ZNF865: variants seen among roughly 807,000 people sequenced by gnomAD.
ZNF865 encodes the protein zinc finger protein 865.
For synonymous variants in ZNF865, 763 were observed against 750.8 expected (o/e 1.02, Z -0.27); for missense variants, 1,311 against 1,593.4 (o/e 0.82, Z 3.02).
intron 1 of ZNF865, among the ~76,000 whole-genome samples, chr19:55,606,006 C>T (rs1980926482): frequency 1.3e-5 from 2 of 152,102 alleles, no homozygotes; most frequent in Admixed American, 1.3e-4. Flanking sequence ...GATACCTCCT[C>T]GTAGGATCCC....
chr19:55,616,653 A>G lies in ZNF865; in HGVS notation c.3035A>G (p.Gln1012Arg). ...TTCCGTAAGCACCTGGCTGCCCACC[A>G]GGGCGGCCGGCCCTTCCGCTGCTCC... The part of the protein sequence containing the change: ...GYFRKHLAAH[Q>R]GGRPFRCSSC... The change falls in exon 2 of 2, where the codon CAG (glutamine) becomes CGG (arginine). Residue 1012 changes from glutamine (Q) to arginine (R), a missense_variant. Physicochemically the swap from Gln to Arg is conservative, Grantham distance 43. Coordinates refer to ENST00000568956, the MANE Select transcript of ZNF865 (RefSeq NM_001195605.2). 6.5e-7 allele frequency: 1 copy of G among 1,529,004 alleles called. No individual in the cohort carries two copies. Among genetic ancestry groups the G allele is most frequent in the Non-Finnish European group, 8.7e-7 (1 of 1,143,592 alleles). The allele number at this position is 1,529,004 out of a possible 1,614,324, so 94.7% of individuals were successfully genotyped here.
chr19:55,612,059 C>T (rs1981157324), intron 1 of ZNF865, among the ~76,000 whole-genome samples: 1 of 152,174 alleles, frequency 6.6e-6, no homozygotes, highest in African/African-American at 2.4e-5. Context: ...GGATGGAACT[C>T]AAGCTCCCTG....
At chr19:55,606,366 C>T (rs894929244) in intron 1 of ZNF865, among the ~76,000 whole-genome samples, 5 of 152,072 alleles carry the variant, frequency 3.3e-5, no homozygotes, top group African/African-American at 1.2e-4. Context: ...ACCCCCCCAT[C>T]GCAGCGGCAC....
chr19:55,615,905 G>T lies in ZNF865; in HGVS notation c.2287G>T (p.Ala763Ser). Residue 763 changes from alanine (A) to serine (S), a missense_variant, in exon 2 of 2, where the codon GCA becomes TCA. Coordinates refer to ENST00000568956, the MANE Select transcript of ZNF865 (RefSeq NM_001195605.2). ...LAGEVGAAVA[A>S]LAGVSGGEDA... The stretch of plus-strand genomic sequence containing the variant: ...GGGGGAGGTGGGGGCGGCCGTGGCG[G>T]CACTGGCAGGGGTGTCTGGGGGTGA... 2.0e-6 allele frequency: 3 copies of T among 1,475,832 alleles called. No individual in the cohort carries two copies. Among genetic ancestry groups the T allele is most frequent in the Non-Finnish European group, 2.7e-6 (3 of 1,121,366 alleles). 91.4% of individuals were successfully genotyped at this position (1,475,832 alleles called of 1,614,324 possible).
chr19:55,607,169 C>T (rs571832879), intron 1 of ZNF865, among the ~76,000 whole-genome samples: 8 of 152,166 alleles, frequency 5.3e-5, no homozygotes, highest in African/African-American at 9.7e-5. Context: ...TTCATTCATA[C>T]GTTCATTCGT....
chr19:55,615,756 T>C lies in ZNF865; in HGVS notation c.2138T>C (p.Met713Thr). The C allele has an allele frequency of 6.5e-7, 1 of 1,531,968 alleles. No individual in the cohort carries two copies. Among genetic ancestry groups the C allele is most frequent in the Non-Finnish European group, 8.7e-7 (1 of 1,145,126 alleles). The allele number at this position is 1,531,968 out of a possible 1,614,324, so 94.9% of individuals were successfully genotyped here. The change falls in exon 2 of 2, where the codon ATG becomes ACG. Residue 713 changes from methionine to threonine, a missense_variant. Met to Thr is a moderately conservative substitution (Grantham distance 81, BLOSUM62 -1). Transcript: ENST00000568956. ...ACCTTCGGCTTCATCGAGAACCTCATGTGGCACAAGCTGGTCCACCAGGCC... is the reference window on the plus strand; with the variant it reads ...ACCTTCGGCTTCATCGAGAACCTCACGTGGCACAAGCTGGTCCACCAGGCC... ...GKTFGFIENL[M>T]WHKLVHQAAP...
Position 55,614,764 on chromosome 19 carries a change from G to A in ZNF865, c.1146G>A (p.Val382=). 6.3e-7 allele frequency: 1 copy of A among 1,578,162 alleles called. No homozygotes were observed. Among genetic ancestry groups the A allele is most frequent in the African/African-American group, 1.4e-5 (1 of 74,000 alleles). The change falls in exon 2 of 2, where the codon GTG becomes GTA. Residue 382 remains valine, a synonymous_variant. Transcript: ENST00000568956. This position sits in a 1 kb window ranked among gnomAD's most constrained non-coding sequence, Gnocchi z 8.0. ...GCGAGAAGCCCTTCTCCTGCTCCGT[G>A]TGCAGCAAAAGCTTCAACCGCAGGG... The part of the protein sequence containing the change: ...HTGEKPFSCS[V]CSKSFNRRES...
Position 55,615,783 on chromosome 19 carries a change from C to A in ZNF865, c.2165C>A (p.Ala722Asp). 1 of 1,521,644 alleles carries A rather than the reference C, an allele frequency of 6.6e-7. No individual in the cohort carries two copies. The highest frequency in any genetic ancestry group is 8.8e-7 in the Non-Finnish European group (1 of 1,140,244). The allele number at this position is 1,521,644 out of a possible 1,614,324, so 94.3% of individuals were successfully genotyped here. ...TGGCACAAGCTGGTCCACCAGGCCGCCCCCGAGCGCCTGCTCCCGCCCGCA... is the reference window on the plus strand; with the variant it reads ...TGGCACAAGCTGGTCCACCAGGCCGACCCCGAGCGCCTGCTCCCGCCCGCA... Reference protein sequence around the residue: ...LMWHKLVHQAAPERLLPPAPG... With the variant: ...LMWHKLVHQADPERLLPPAPG... Residue 722 changes from alanine (A) to aspartate (D), a missense_variant, in exon 2 of 2, where the codon GCC (alanine) becomes GAC (aspartate). Coordinates refer to ENST00000568956, the MANE Select transcript of ZNF865 (RefSeq NM_001195605.2).
chr19:55,616,914 G>A lies in ZNF865; in HGVS notation c.*116G>A. The A allele has an allele frequency of 4.2e-6, 5 of 1,188,440 alleles. No individual in the cohort carries two copies. The highest frequency in any genetic ancestry group is 2.9e-5 in the East Asian group (1 of 34,318). 73.6% of individuals were successfully genotyped at this position (1,188,440 alleles called of 1,614,324 possible). On this transcript the variant is annotated 3_prime_UTR_variant, in exon 2 of 2. Transcript: ENST00000568956. ...TGCCCCATCCTTCAGAACTTCACAC[G>A]GACTGGCGACCTTCAGGGCGCACGC...
Position 55,613,909 on chromosome 19 carries a change from CTCG to C in ZNF865, c.294_296del (p.Ser117del). 3 of 1,523,252 alleles carry C rather than the reference CTCG, an allele frequency of 2.0e-6. No individual in the cohort carries two copies. The highest frequency in any genetic ancestry group is 1.8e-6 in the Non-Finnish European group (2 of 1,136,468). The allele number at this position is 1,523,252 out of a possible 1,614,324, so 94.4% of individuals were successfully genotyped here. On this transcript the variant is annotated inframe_deletion, in exon 2 of 2. Transcript: ENST00000568956. ...CGGAGGTGCCCTCCTCGTCCTCGTC[CTCG>C]TCCTCCTCCTCCTCCTCTTCGTCCT...
intron 1 of ZNF865, among the ~76,000 whole-genome samples, chr19:55,606,693 C>G (rs535936209): frequency 1.4e-4 from 22 of 152,382 alleles, no homozygotes; most frequent in African/African-American, 5.0e-4. Flanking sequence ...TAGGGTGTGA[C>G]TTCTTTTCTC....
At position 55,616,373 on chromosome 19, in the gene ZNF865, C is replaced by T; in HGVS notation, c.2755C>T (p.Leu919=). The T allele has an allele frequency of 6.6e-7, 1 of 1,517,114 alleles. No homozygotes were observed. Among genetic ancestry groups the T allele is most frequent in the East Asian group, 2.5e-5 (1 of 40,398 alleles). 94.0% of individuals were successfully genotyped at this position (1,517,114 alleles called of 1,614,324 possible). A position where few individuals can be genotyped will look rare whatever the true frequency, so the allele number is the denominator to read the frequency against. The change falls in exon 2 of 2, where the codon CTG becomes TTG. Residue 919 remains leucine, a synonymous_variant. Coordinates refer to ENST00000568956, the MANE Select transcript of ZNF865 (RefSeq NM_001195605.2). Reference sequence around the variant, plus strand: ...CAAGCGCTTCGCGCAGTCGTCCAGCCTGGCAGAGCACCGGCGGCTGCACGC... The same window carrying T: ...CAAGCGCTTCGCGCAGTCGTCCAGCTTGGCAGAGCACCGGCGGCTGCACGC... ...CAKRFAQSSS[L]AEHRRLHAVA...
At chr19:55,607,590 G>T (rs1367512271) in intron 1 of ZNF865, among the ~76,000 whole-genome samples, 1 of 152,152 alleles carries the variant, frequency 6.6e-6, no homozygotes, top group Non-Finnish European at 1.5e-5. Flanking sequence ...GAGTATATGT[G>T]CGTGTTCAGA....
At chr19:55,610,601 A>T (rs1981098357) in intron 1 of ZNF865, among the ~76,000 whole-genome samples, 1 of 152,168 alleles carries the variant, frequency 6.6e-6, no homozygotes. Flanking sequence ...ACCCATTGGT[A>T]ATTTAGGAAG....
chr19:55,615,873 G>A lies in ZNF865; in HGVS notation c.2255G>A (p.Gly752Glu). Residue 752 changes from glycine to glutamate, a missense_variant, in exon 2 of 2, where the codon GGG (glycine) becomes GAG (glutamate). Gly to Glu is a moderately conservative substitution (Grantham distance 98, BLOSUM62 -2). Coordinates refer to ENST00000568956, the MANE Select transcript of ZNF865 (RefSeq NM_001195605.2). ...GTDAASVLDN[G>E]LAGEVGAAVA... ...GATGCGGCCAGCGTGCTGGACAACGGGCTGGCGGGGGAGGTGGGGGCGGCC... is the reference window on the plus strand; with the variant it reads ...GATGCGGCCAGCGTGCTGGACAACGAGCTGGCGGGGGAGGTGGGGGCGGCC... 6.8e-7 allele frequency: 1 copy of A among 1,480,490 alleles called. No homozygotes were observed. The highest frequency in any genetic ancestry group is 1.5e-5 in the African/African-American group (1 of 68,666). 91.7% of individuals were successfully genotyped at this position (1,480,490 alleles called of 1,614,324 possible).
In ZNF865 at chr19:55,616,337, G is replaced by T. The variant is rs1248743733; in HGVS notation, c.2719G>T (p.Gly907Cys). The T allele has an allele frequency of 6.6e-7, 1 of 1,522,658 alleles. No homozygotes were observed. Among genetic ancestry groups the T allele is most frequent in the South Asian group, 1.2e-5 (1 of 82,734 alleles). 94.3% of individuals were successfully genotyped at this position (1,522,658 alleles called of 1,614,324 possible). A position where few individuals can be genotyped will look rare whatever the true frequency, so the allele number is the denominator to read the frequency against. The change falls in exon 2 of 2, where the codon GGC becomes TGC. Residue 907 changes from glycine to cysteine, a missense_variant. By Grantham distance (159) the Gly-to-Cys change is radical (BLOSUM62 -3). Transcript: ENST00000568956. ...VHTGERAFKC[G>C]VCAKRFAQSS... Reference sequence around the variant, plus strand: ...CACTGGCGAGCGGGCCTTCAAGTGCGGCGTGTGCGCCAAGCGCTTCGCGCA... The same window carrying T: ...CACTGGCGAGCGGGCCTTCAAGTGCTGCGTGTGCGCCAAGCGCTTCGCGCA...
Position 55,616,545 on chromosome 19 carries a change from T to C in ZNF865, c.2927T>C (p.Leu976Pro). ...GKGFFYLSSVLRHQRAHEPPR... is the reference protein window; with the variant it reads ...GKGFFYLSSVPRHQRAHEPPR... ...GGCTTCTTCTACCTGAGCTCCGTGC[T>C]GCGCCACCAGCGCGCCCATGAGCCG... Residue 976 changes from leucine to proline, a missense_variant, in exon 2 of 2, where the codon CTG becomes CCG. Coordinates refer to ENST00000568956, the MANE Select transcript of ZNF865 (RefSeq NM_001195605.2). 1 of 1,534,158 alleles carries C rather than the reference T, an allele frequency of 6.5e-7. No homozygotes were observed. The highest frequency in any genetic ancestry group is 8.7e-7 in the Non-Finnish European group (1 of 1,145,928).
rs965014915 is a variant in ZNF865 at position 55,613,843 on chromosome 19, G to A, written c.225G>A (p.Pro75=). Residue 75 remains proline (P), a synonymous_variant, in exon 2 of 2, where the codon CCG becomes CCA. Transcript: ENST00000568956. ...AGCCCCCGCCGCAGCCCCCTCCCCC[G>A]CAGTATGACTACCCGCCCCAGTCCA... The part of the protein sequence containing the change: ...PPQPPPQPPP[P]QYDYPPQSTF... 5.6e-5 allele frequency: 37 copies of A among 665,680 alleles called. No individual in the cohort carries two copies. The highest frequency in any genetic ancestry group is 5.1e-4 in the Middle Eastern group (1 of 1,964). The allele number at this position is 665,680 out of a possible 1,614,324, so 41.2% of individuals were successfully genotyped here.
chr19:55,614,833 G>T lies in ZNF865; in HGVS notation c.1215G>T (p.Leu405=), dbSNP rs1394878343. 1 of 1,535,400 alleles carries T rather than the reference G, an allele frequency of 6.5e-7. No homozygotes were observed. The highest frequency in any genetic ancestry group is 8.7e-7 in the Non-Finnish European group (1 of 1,147,110). The change falls in exon 2 of 2, where the codon CTG becomes CTT. Residue 405 remains leucine (L), a synonymous_variant. Transcript: ENST00000568956. The surrounding 1 kb of genome is among the most constrained non-coding windows in gnomAD (Gnocchi z 8.0). ...RHVKTHSADL[L]RLPCGICGKA... is the part of the protein sequence containing the mutation. The stretch of plus-strand genomic sequence containing the variant: ...TGAAGACGCACTCGGCCGACCTCCT[G>T]CGCCTGCCCTGCGGCATCTGCGGGA...
Sources: allele counts gnomAD v4.1 joint callset (sites outside exome capture counted in the v4.1 genomes callset), GRCh38; gene constraint gnomAD v4.1.1; non-coding constraint Gnocchi (gnomAD v3.1); transcripts MANE v1.5; gene names NCBI Gene and HGNC (gene_info 2026-07-23, HGNC 2026-07-21).